The following SREK1IP1 variants were observed in gnomAD, a reference collection of about 807,000 sequenced individuals.
SREK1IP1 encodes protein SREK1IP1.
SREK1IP1 carries 12 observed loss-of-function variants against 22.8 expected under a neutral mutation model. The ratio of observed to expected loss-of-function variants is 0.53; its 90% CI spans 0.34 to 0.85. The LOEUF (loss-of-function observed/expected upper bound fraction) is 0.85, where lower values mean the gene tolerates loss of function less well. Ranked by LOEUF, SREK1IP1 falls within the 40% of genes least tolerant of loss-of-function variation. SREK1IP1 has a pLI of 0.02. For synonymous variants in SREK1IP1, 53 were observed against 52.7 expected, an observed-to-expected ratio of 1.01 and a Z score of -0.02; for missense variants, 147 against 171.8, an observed-to-expected ratio of 0.86 and a Z score of 0.81.
At position 64,721,248 on chromosome 5, in the gene SREK1IP1, A is replaced by C. The variant is rs1742156878; in HGVS notation, c.*3136T>G. On this transcript the variant is annotated 3_prime_UTR_variant, in exon 5 of 5. Coordinates refer to ENST00000513458, the MANE Select transcript of SREK1IP1 (RefSeq NM_173829.4). Reference sequence around the variant, plus strand: ...TACCAACTACACTGTGAAGTCCTTCAGGGAGGCAAATGTGTCTTACTTATC... The same window carrying C: ...TACCAACTACACTGTGAAGTCCTTCCGGGAGGCAAATGTGTCTTACTTATC... 6.6e-6 allele frequency: 1 copy of C among 152,208 alleles called. No homozygotes were observed. The highest frequency in any genetic ancestry group is 1.5e-5 in the Non-Finnish European group (1 of 68,038). The allele number at this position is 152,208 out of a possible 1,614,324, so 9.4% of individuals were successfully genotyped here.
At chr5:64,738,954 A>T (rs564004187) in intron 3 of SREK1IP1, among the ~76,000 whole-genome samples, 4 of 152,328 alleles carry the variant, frequency 2.6e-5, no homozygotes, top group African/African-American at 7.2e-5. Context: ...CACATCTATT[A>T]GCTTTCAGGA....
intron 2 of SREK1IP1, among the ~76,000 whole-genome samples, chr5:64,749,825 C>T (rs1312088468): frequency 2.6e-5 from 4 of 152,036 alleles, no homozygotes; most frequent in African/African-American, 7.2e-5. Flanking sequence ...TAGTCTTTTT[C>T]GATAGATTCT....
chr5:64,752,368 G>T (rs1176472703), intron 2 of SREK1IP1, among the ~76,000 whole-genome samples: 2 of 151,784 alleles, frequency 1.3e-5, no homozygotes, highest in Non-Finnish European at 2.9e-5. Flanking sequence ...ACCTAGGATG[G>T]TCTCGATCTC....
At chr5:64,768,452 C>T in intron 1 of SREK1IP1, 53 bp downstream of exon 1, 1 of 1,613,564 alleles carries the variant, frequency 6.2e-7, no homozygotes, top group South Asian at 1.1e-5. Context: ...ACCCTACCCT[C>T]CCTTGCGCTC....
At chr5:64,738,558 C>T (rs1313115349) in intron 3 of SREK1IP1, among the ~76,000 whole-genome samples, 1 of 152,076 alleles carries the variant, frequency 6.6e-6, no homozygotes, top group Non-Finnish European at 1.5e-5. Context: ...AAGCTGTAGG[C>T]ATCACATTCC....
intron 3 of SREK1IP1, 53 bp downstream of exon 3, chr5:64,741,004 T>C: frequency 1.3e-6 from 2 of 1,501,772 alleles, no homozygotes; most frequent in Middle Eastern, 2.4e-4. Context: ...CATGATATAA[T>C]ATGACAGAAC....
chr5:64,735,645 G>A (rs1742449806), intron 3 of SREK1IP1, among the ~76,000 whole-genome samples: 2 of 151,744 alleles, frequency 1.3e-5, no homozygotes, highest in African/African-American at 4.8e-5. Context: ...CAATTTATTG[G>A]CATAAAGTTC....
rs1241247656 is a variant in SREK1IP1 at position 64,723,885 on chromosome 5, A to T, written c.*499T>A. On this transcript the variant is annotated 3_prime_UTR_variant, in exon 5 of 5. Coordinates refer to ENST00000513458, the MANE Select transcript of SREK1IP1 (RefSeq NM_173829.4). ...TTGAAAAAAAATCCCTAGAGATTTA[A>T]AAAACTGAAGAATTTCACTATCTTT... 2 of 152,670 alleles carry T rather than the reference A, an allele frequency of 1.3e-5. No homozygotes were observed. Among genetic ancestry groups the T allele is most frequent in the Non-Finnish European group, 2.9e-5 (2 of 68,044 alleles). The allele number at this position is 152,670 out of a possible 1,614,324, so 9.5% of individuals were successfully genotyped here. A position where few individuals can be genotyped will look rare whatever the true frequency, so the allele number is the denominator to read the frequency against.
rs113667536 is a variant in SREK1IP1, at chr5:64,757,854, T to C, written c.14-3492A>G. 9.3e-3 allele frequency among the ~76,000 whole-genome samples: 1,327 copies of C among 143,304 alleles called. 29 individuals carry two copies. The highest frequency in any genetic ancestry group is 0.033 in the African/African-American group (1,253 of 37,746). The allele number at this position is 143,304 out of a possible 152,430, so 94.0% of individuals were successfully genotyped here. On this transcript the variant is annotated intron_variant, in intron 1 of 4. Transcript: ENST00000513458. The stretch of plus-strand genomic sequence containing the variant: ...AAACTGTGCTACTGTTTCTATTAGG[T>C]TCCTATCTTTTTTTTTTTTTTTTTT...
chr5:64,734,834 C>T (rs1173901648), intron 3 of SREK1IP1, among the ~76,000 whole-genome samples: 1 of 152,058 alleles, frequency 6.6e-6, no homozygotes. Flanking sequence ...GATACTTCTA[C>T]ATAGATGATC....
intron 2 of SREK1IP1, among the ~76,000 whole-genome samples, chr5:64,742,093 C>G (rs1742561424): frequency 6.6e-6 from 1 of 151,858 alleles, no homozygotes; most frequent in Admixed American, 6.6e-5. Context: ...TCAATTATAC[C>G]TATACCTGCA....
chr5:64,736,878 T>C (rs1006347046), intron 3 of SREK1IP1, among the ~76,000 whole-genome samples: 27 of 152,122 alleles, frequency 1.8e-4, no homozygotes, highest in African/African-American at 6.5e-4. Flanking sequence ...ACATTAAAAT[T>C]GTCACTTTAG....
chr5:64,725,417 G>T (rs1742245511), intron 4 of SREK1IP1, among the ~76,000 whole-genome samples: 1 of 152,092 alleles, frequency 6.6e-6, no homozygotes, highest in Non-Finnish European at 1.5e-5. Flanking sequence ...TGTAAACAAA[G>T]GTATCTAAAG....
At chr5:64,750,265 T>C (rs1421607199) in intron 2 of SREK1IP1, among the ~76,000 whole-genome samples, 1 of 152,236 alleles carries the variant, frequency 6.6e-6, no homozygotes, top group African/African-American at 2.4e-5. Flanking sequence ...AGCTTTTTCA[T>C]TCATTTACAC....
chr5:64,749,130 C>T (rs1742699379), intron 2 of SREK1IP1, among the ~76,000 whole-genome samples: 1 of 149,764 alleles, frequency 6.7e-6, no homozygotes, highest in Admixed American at 6.7e-5. Context: ...TTTCATGTTT[C>T]ATTTTGACTG....
chr5:64,749,587 C>T (rs116130157), intron 2 of SREK1IP1, among the ~76,000 whole-genome samples: 64 of 152,234 alleles, frequency 4.2e-4, no homozygotes, highest in African/African-American at 1.5e-3. Flanking sequence ...CAGGTGCACG[C>T]CACCGTGCCT....
chr5:64,755,318 C>T (rs2112109151), intron 1 of SREK1IP1, among the ~76,000 whole-genome samples: 1 of 152,080 alleles, frequency 6.6e-6, no homozygotes, highest in African/African-American at 2.4e-5. Flanking sequence ...ACTGAGGTGC[C>T]CATCAATGGT....
intron 1 of SREK1IP1, among the ~76,000 whole-genome samples, chr5:64,766,609 T>C (rs989196140): frequency 1.3e-4 from 20 of 152,336 alleles, no homozygotes; most frequent in South Asian, 8.3e-4. Context: ...CTTCCTGCCA[T>C]CTGTAGGATA....
At position 64,739,633 on chromosome 5, in the gene SREK1IP1, C is replaced by A. The variant is rs142309850; in HGVS notation, c.205+1424G>T. ...CAGTTTCCAAAATTTTACTGCTATT[C>A]CCTCCTAACTCAGTTTCTTTGCCCT... On this transcript the variant is annotated intron_variant, in intron 3 of 4. Transcript: ENST00000513458. Among the ~76,000 whole-genome samples the A allele has an allele frequency of 4.3e-3, 661 of 152,210 alleles. 7 individuals are homozygous for A. Among genetic ancestry groups the A allele is most frequent in the African/African-American group, 0.016 (645 of 41,538 alleles).
Sources: allele counts gnomAD v4.1 joint callset (sites outside exome capture counted in the v4.1 genomes callset), GRCh38; gene constraint gnomAD v4.1.1; transcripts MANE v1.5; gene names NCBI Gene and HGNC (gene_info 2026-07-23, HGNC 2026-07-21).